SSUH2: variants seen among roughly 807,000 people sequenced by gnomAD.
SSUH2 encodes the protein ssu-2 homolog.
In SSUH2, 47 loss-of-function variants were observed where a neutral mutation model predicts 55.3. The ratio of observed to expected loss-of-function variants is 0.85; its 90% CI spans 0.67 to 1.08. SSUH2 has a LOEUF of 1.08. SSUH2 is among the 50% of genes least tolerant of loss of function. SSUH2 has a pLI of 0.00. For missense variants in SSUH2, 535 were observed against 490.7 expected (o/e 1.09, Z -0.85); for synonymous variants, 212 against 191.5 (o/e 1.11, Z -0.89).
At chr3:8,645,215 G>C (rs1010971598), upstream of SSUH2, among the ~76,000 whole-genome samples, 1 of 152,202 alleles carries the variant, frequency 6.6e-6, no homozygotes, top group African/African-American at 2.4e-5. Flanking sequence ...ACCTCCCCAA[G>C]GGGGATATTA....
upstream of SSUH2, among the ~76,000 whole-genome samples, chr3:8,649,695 T>A (rs897854636): frequency 6.6e-6 from 1 of 152,036 alleles, no homozygotes; most frequent in East Asian, 1.9e-4. Context: ...GCTTCCTTGC[T>A]CCCACTCGTG....
chr3:8,676,882 G>C (rs1436340193), intron 3 of SSUH2, among the ~76,000 whole-genome samples: 1 of 128,316 alleles, frequency 7.8e-6, no homozygotes, highest in Non-Finnish European at 1.6e-5. Flanking sequence ...GGCATCCCCC[G>C]TGAGGCGGGG....
chr3:8,670,376 G>A (rs1386491647), intron 5 of SSUH2, among the ~76,000 whole-genome samples: 5 of 151,714 alleles, frequency 3.3e-5, no homozygotes, highest in East Asian at 1.9e-4. Flanking sequence ...TAACACAGGC[G>A]GTGTACACAC....
At chr3:8,675,412 T>C (rs1259446236) in intron 3 of SSUH2, among the ~76,000 whole-genome samples, 1 of 152,120 alleles carries the variant, frequency 6.6e-6, no homozygotes, top group Non-Finnish European at 1.5e-5. Flanking sequence ...GTTGCTCCAG[T>C]AGGTTGATGA....
Position 8,676,979 on chromosome 3 carries a change from G to C in SSUH2, c.-753+227C>G, listed in dbSNP as rs570179449. On this transcript the variant is annotated intron_variant, in intron 3 of 18. Transcript: ENST00000317371. ...CATCCCCCTGTGAGGCGGGGACTGA[G>C]AGCCAGTACCTCTTCCCCCCCTGGC... Among the ~76,000 whole-genome samples the C allele has an allele frequency of 1.6e-3, 225 of 143,592 alleles. 6 individuals carry two copies. Among genetic ancestry groups the C allele is most frequent in the African/African-American group, 5.5e-3 (213 of 38,932 alleles). The allele number at this position is 143,592 out of a possible 152,430, so 94.2% of individuals were successfully genotyped here. A position where few individuals can be genotyped will look rare whatever the true frequency, so the allele number is the denominator to read the frequency against.
At chr3:8,667,782 A>G (rs1279238382) in intron 5 of SSUH2, among the ~76,000 whole-genome samples, 1 of 152,174 alleles carries the variant, frequency 6.6e-6, no homozygotes, top group Admixed American at 6.5e-5. Context: ...CCCCACCCTG[A>G]ACCTATCAGA....
intron 6 of SSUH2, 30 bp downstream of exon 6, chr3:8,630,775 G>A: frequency 1.5e-6 from 2 of 1,353,014 alleles, no homozygotes; most frequent in Non-Finnish European, 1.9e-6. Context: ...AGAAGGGCAA[G>A]TATTCCAGTA....
At chr3:8,663,857 C>T (rs1203140756) in intron 5 of SSUH2, 1 of 456,648 alleles carries the variant, frequency 2.2e-6, no homozygotes, top group South Asian at 1.5e-5. Flanking sequence ...TGATGCGTGT[C>T]CCAAGACAAT....
At chr3:8,678,773 C>T (rs868809906) in intron 2 of SSUH2, among the ~76,000 whole-genome samples, 2 of 105,746 alleles carry the variant, frequency 1.9e-5, no homozygotes, top group African/African-American at 6.5e-5. Flanking sequence ...GCCAGCCCCT[C>T]TTCCCTCCCT....
At chr3:8,665,436 T>G (rs1443355550) in intron 5 of SSUH2, among the ~76,000 whole-genome samples, 3 of 152,222 alleles carry the variant, frequency 2.0e-5, no homozygotes, top group Non-Finnish European at 2.9e-5. Context: ...CATTCTGCAG[T>G]CTCTGTCCCT....
rs757812588 is a variant in SSUH2, at chr3:8,632,027, T to G, written c.400+22A>C. On this transcript the variant is annotated intron_variant, in intron 5 of 11. Coordinates refer to ENST00000544814, the MANE Select transcript of SSUH2 (RefSeq NM_001256748.3). ...CTGACTTATTTGCCCCCAGTTAAAC[T>G]AATTTCAGACAATTCACTTACTAGT... is the stretch of plus-strand genomic sequence containing the variant. 21 of 1,607,216 alleles carry G rather than the reference T, an allele frequency of 1.3e-5. No individual in the cohort carries two copies. The South Asian group carries it at 2.1e-4, about 16-fold the overall frequency.
In SSUH2 at chr3:8,625,566, G is replaced by A; in HGVS notation, c.849C>T (p.Asn283=). The A allele has an allele frequency of 6.2e-7, 1 of 1,613,530 alleles. No homozygotes were observed. Among genetic ancestry groups the A allele is most frequent in the South Asian group, 1.1e-5 (1 of 91,010 alleles). Residue 283 remains asparagine (N), a synonymous_variant, in exon 10 of 12, where the codon AAC becomes AAT. Coordinates refer to ENST00000544814, the MANE Select transcript of SSUH2 (RefSeq NM_001256748.3). ...CCACCGAGTTTTCATCCTTAAAGAG[G>A]TTTTCTCCTTTGGCTTTAGCAAGGA... The part of the protein sequence containing the change: ...RELLAKAKGE[N]LFKDENSVVY...
At chr3:8,680,787 C>T (rs531056876) in intron 1 of SSUH2, among the ~76,000 whole-genome samples, 3 of 152,158 alleles carry the variant, frequency 2.0e-5, no homozygotes, top group South Asian at 2.1e-4. Flanking sequence ...ATCAACCTCT[C>T]GGCCTCTGAA....
intron 5 of SSUH2, among the ~76,000 whole-genome samples, chr3:8,668,911 C>A (rs1382126464): frequency 1.4e-5 from 2 of 142,164 alleles, no homozygotes; most frequent in Non-Finnish European, 3.1e-5. Flanking sequence ...GCCTCATATG[C>A]CAAAAAGAAT....
chr3:8,676,527 G>C (rs1276282079), intron 3 of SSUH2, among the ~76,000 whole-genome samples: 1 of 150,946 alleles, frequency 6.6e-6, no homozygotes, highest in African/African-American at 2.4e-5. Context: ...TCTCACACGG[G>C]GGTGAATACT....
At chr3:8,671,615 G>A (rs542382489) in intron 4 of SSUH2, among the ~76,000 whole-genome samples, 4 of 152,182 alleles carry the variant, frequency 2.6e-5, no homozygotes, top group Non-Finnish European at 4.4e-5. Context: ...AACATCTCAA[G>A]TGTGTAGAGT....
chr3:8,625,737 C>T (rs560328076), intron 9 of SSUH2, 90 bp from the exon 10 acceptor site: 4 of 847,096 alleles, frequency 4.7e-6, no homozygotes, highest in Admixed American at 1.9e-5. Context: ...GGGTTGAGGG[C>T]TTGAATTGCT....
At chr3:8,647,327 G>T (rs1044962628), upstream of SSUH2, among the ~76,000 whole-genome samples, 3 of 152,240 alleles carry the variant, frequency 2.0e-5, no homozygotes, top group African/African-American at 7.2e-5. Context: ...GCTGAACAAA[G>T]AAACTTTCTA....
At chr3:8,660,121 C>T (rs1304286541) in intron 6 of SSUH2, among the ~76,000 whole-genome samples, 2 of 152,232 alleles carry the variant, frequency 1.3e-5, no homozygotes, top group African/African-American at 4.8e-5. Flanking sequence ...AGGGACTACA[C>T]AATTCCTAAC....
Sources: gnomAD v4.1 joint callset for allele counts (sites outside exome capture counted in the v4.1 genomes callset) on GRCh38, gnomAD v4.1.1 for gene constraint, MANE v1.5 for transcripts, NCBI Gene and HGNC (gene_info 2026-07-23, HGNC 2026-07-21) for gene names.